Variants in PCDHA10 observed in about 807,000 individuals in gnomAD.
PCDHA10 encodes protocadherin alpha-10.
A neutral mutation model predicts 61.2 loss-of-function variants in PCDHA10; 45 were observed. The ratio of observed to expected loss-of-function variants is 0.74; its 90% CI spans 0.58 to 0.94. The LOEUF (loss-of-function observed/expected upper bound fraction) is 0.94. Among genes scored for constraint, PCDHA10 ranks in the 40% least tolerant of loss-of-function variants. The probability of loss-of-function intolerance (pLI) is 0.00; values close to 1 mark genes in which losing one functional copy is unlikely to be tolerated. For synonymous variants in PCDHA10, 602 were observed against 548.8 expected, an observed-to-expected ratio of 1.10 and a Z score of -1.35; for missense variants, 1,278 against 1,236.2, an observed-to-expected ratio of 1.03 and a Z score of -0.51.
chr5:140,883,558 G>A, intron 1 of PCDHA10: 2 of 1,614,190 alleles, frequency 1.2e-6, no homozygotes, highest in South Asian at 1.1e-5. Context: ...CGCGGGACGG[G>A]GGCTCGCCTT....
At chr5:140,916,186 G>A (rs1321442931) in intron 1 of PCDHA10, among the ~76,000 whole-genome samples, 3 of 152,160 alleles carry the variant, frequency 2.0e-5, no homozygotes, top group Admixed American at 6.5e-5. Flanking sequence ...CTTCAAGGAA[G>A]TGGGCACCCC....
intron 3 of PCDHA10, among the ~76,000 whole-genome samples, chr5:140,997,970 G>A (rs2097791868): frequency 2.0e-5 from 3 of 152,106 alleles, no homozygotes; most frequent in Admixed American, 2.0e-4. Context: ...ACCTGTGGTT[G>A]GACTGCACTT....
chr5:140,937,835 C>T (rs782666689), intron 1 of PCDHA10, among the ~76,000 whole-genome samples: 3 of 151,520 alleles, frequency 2.0e-5, no homozygotes, highest in Non-Finnish European at 2.9e-5. Context: ...TGGCATGAAC[C>T]TGGAAGGCGG....
intron 3 of PCDHA10, among the ~76,000 whole-genome samples, chr5:140,989,404 A>G (rs2097341135): frequency 6.6e-6 from 1 of 152,134 alleles, no homozygotes; most frequent in Non-Finnish European, 1.5e-5. Flanking sequence ...GAGGGTGGAG[A>G]GTCTGCACTT....
intron 1 of PCDHA10, among the ~76,000 whole-genome samples, chr5:140,961,085 T>C (rs1406733516): frequency 1.3e-5 from 2 of 152,230 alleles, no homozygotes; most frequent in East Asian, 3.8e-4. Flanking sequence ...CAAGTAATTG[T>C]TGACTTTTTG....
intron 1 of PCDHA10, among the ~76,000 whole-genome samples, chr5:140,933,174 A>G (rs1400055066): frequency 2.0e-5 from 3 of 151,742 alleles, no homozygotes; most frequent in Non-Finnish European, 3.0e-5. Context: ...AATTGATGGC[A>G]TAAGATAATG....
chr5:140,968,159 A>T, intron 1 of PCDHA10: 6 of 1,614,136 alleles, frequency 3.7e-6, no homozygotes, highest in Non-Finnish European at 4.2e-6. Flanking sequence ...CATCAATGAC[A>T]ATCCACCAAG....
intron 1 of PCDHA10, among the ~76,000 whole-genome samples, chr5:140,924,900 AAAAAATAAAAT>A (rs2082119593): frequency 1.6e-5 from 1 of 63,328 alleles, no homozygotes; most frequent in African/African-American, 5.4e-5. Context: ...GTCTCAAAAA[AAAAAATAAAAT>A]AAAATAAAAT....
chr5:141,005,133 T>C (rs559773723), intron 3 of PCDHA10, among the ~76,000 whole-genome samples: 3 of 152,328 alleles, frequency 2.0e-5, no homozygotes, highest in Admixed American at 6.5e-5. Context: ...AAGTGCCTCA[T>C]TGGAGAGTTG....
At chr5:140,977,096 G>A (rs1401413424) in intron 1 of PCDHA10, among the ~76,000 whole-genome samples, 1 of 152,182 alleles carries the variant, frequency 6.6e-6, no homozygotes, top group East Asian at 1.9e-4. Flanking sequence ...TGTGTCATTG[G>A]GGAAGTGAGA....
At position 140,857,740 on chromosome 5, in the gene PCDHA10, G is replaced by A. The variant is rs1019130313; in HGVS notation, c.1692G>A (p.Leu564=). 1 of 1,597,496 alleles carries A rather than the reference G, an allele frequency of 6.3e-7. No homozygotes were observed. Among genetic ancestry groups the A allele is most frequent in the African/African-American group, 1.3e-5 (1 of 74,430 alleles). Residue 564 remains leucine, a synonymous_variant, in exon 1 of 4, where the codon CTG becomes CTA. Transcript: ENST00000307360. ...VLDENDNAPA[L]LASPAGSAGG... The stretch of plus-strand genomic sequence containing the variant: ...ACGAGAACGACAACGCTCCCGCGCT[G>A]CTGGCGTCTCCCGCTGGCAGCGCGG...
Position 140,985,833 on chromosome 5 carries a change from G to A in PCDHA10, c.2536+3270G>A, listed in dbSNP as rs1458914557. Among the ~76,000 whole-genome samples the A allele has an allele frequency of 2.8e-5, 4 of 143,674 alleles. No homozygotes were observed. In the East Asian group the frequency reaches 6.5e-4, roughly 23 times the overall value. The allele number at this position is 143,674 out of a possible 152,430, so 94.3% of individuals were successfully genotyped here. A position where few individuals can be genotyped will look rare whatever the true frequency, so the allele number is the denominator to read the frequency against. ...CAGCTCACAACAAGCTCTGCCTCCC[G>A]GGTTCATGCCACTCTCCTGCCTCAG... On this transcript the variant is annotated intron_variant, in intron 3 of 3. Coordinates refer to ENST00000307360, the MANE Select transcript of PCDHA10 (RefSeq NM_018901.4).
intron 1 of PCDHA10, among the ~76,000 whole-genome samples, chr5:140,888,040 T>C (rs1338203545): frequency 6.6e-6 from 1 of 152,222 alleles, no homozygotes; most frequent in Non-Finnish European, 1.5e-5. Context: ...TTAGTACATG[T>C]ATAATAGATG....
At position 140,928,406 on chromosome 5, in the gene PCDHA10, G is replaced by T. The variant is rs782285182; in HGVS notation, c.2389-50543G>T. On this transcript the variant is annotated intron_variant, in intron 1 of 3. Coordinates refer to ENST00000307360, the MANE Select transcript of PCDHA10 (RefSeq NM_018901.4). ...TTGCTGGCAGTGGAATCATCCAGTG[G>T]GGCCATCACTGCCAAAACTTCCTTT... 3 of 1,614,050 alleles carry T rather than the reference G, an allele frequency of 1.9e-6. No individual in the cohort carries two copies. The Admixed American group carries it at 5.0e-5, about 27-fold the overall frequency.
intron 3 of PCDHA10, among the ~76,000 whole-genome samples, chr5:140,993,460 T>TCACACACACA (rs1554253699): frequency 5.7e-5 from 6 of 104,506 alleles, no homozygotes; most frequent in African/African-American, 7.8e-5. Flanking sequence ...CTTCTTTCTT[T>TCACACACACA]CTCACACACA....
At chr5:140,938,870 A>C (rs560302282) in intron 1 of PCDHA10, among the ~76,000 whole-genome samples, 1 of 152,264 alleles carries the variant, frequency 6.6e-6, no homozygotes, top group South Asian at 2.1e-4. Flanking sequence ...TTAAAAGTTA[A>C]GAAGCAACAC....
chr5:140,930,453 C>G (rs1195640207), intron 1 of PCDHA10: 6 of 152,300 alleles, frequency 3.9e-5, no homozygotes, highest in African/African-American at 1.5e-4. Flanking sequence ...AAACTCCTAG[C>G]CTCAAGTGAT....
intron 1 of PCDHA10, chr5:140,968,523 A>G (rs1441549667): frequency 8.1e-6 from 13 of 1,613,762 alleles, no homozygotes; most frequent in African/African-American, 1.3e-5. Flanking sequence ...ACCTCAACCA[A>G]CTCGTCAGCA....
In PCDHA10 at chr5:140,903,111, A is replaced by G. The variant is rs1002837275; in HGVS notation, c.2388+44675A>G. ...CATTGCTGGATCAAATAATAGCTCT[A>G]CTTCTAAATCTTTAAGAAATCTCCA... On this transcript the variant is annotated intron_variant, in intron 1 of 3. Transcript: ENST00000307360. Among the ~76,000 whole-genome samples, 13 of 152,306 alleles carry G rather than the reference A, an allele frequency of 8.5e-5. No individual in the cohort carries two copies. In the East Asian group the frequency reaches 2.5e-3, roughly 29 times the overall value.
Sources: allele counts gnomAD v4.1 joint callset (sites outside exome capture counted in the v4.1 genomes callset), GRCh38; gene constraint gnomAD v4.1.1; transcripts MANE v1.5; gene names NCBI Gene and HGNC (gene_info 2026-07-23, HGNC 2026-07-21).